The following PPFIA2 variants were observed in gnomAD, a reference collection of about 807,000 sequenced individuals.
PPFIA2 encodes liprin-alpha-2.
A neutral mutation model predicts 175.5 loss-of-function variants in PPFIA2; 46 were observed. That is an observed-to-expected ratio of 0.26 (90% CI 0.21 to 0.34). PPFIA2 has a LOEUF of 0.34. Ranked by LOEUF, PPFIA2 falls within the 10% of genes least tolerant of loss-of-function variation. The pLI, the probability that PPFIA2 is intolerant of heterozygous loss-of-function variation, is 1.00. For missense variants in PPFIA2, 1,179 were observed against 1,506.1 expected, an observed-to-expected ratio of 0.78 and a Z score of 3.60; for synonymous variants, 568 against 511.4, an observed-to-expected ratio of 1.11 and a Z score of -1.49.
chr12:81,588,801 C>G (rs1207300544), intron 4 of PPFIA2, among the ~76,000 whole-genome samples: 1 of 152,042 alleles, frequency 6.6e-6, no homozygotes, highest in Middle Eastern at 3.2e-3. Flanking sequence ...ACTGAAACCA[C>G]TGTTTCAGTA....
At chr12:81,500,689 G>A (rs1594081414) in intron 4 of PPFIA2, among the ~76,000 whole-genome samples, 1 of 152,274 alleles carries the variant, frequency 6.6e-6, no homozygotes, top group East Asian at 1.9e-4. Context: ...ATTAGAGTAT[G>A]TTAAAGCACA....
chr12:81,752,822 C>T (rs888261500), intron 3 of PPFIA2, among the ~76,000 whole-genome samples: 2 of 152,142 alleles, frequency 1.3e-5, no homozygotes, highest in East Asian at 1.9e-4. Flanking sequence ...TTTTAAGGAG[C>T]GGGCCAATCA....
intron 3 of PPFIA2, among the ~76,000 whole-genome samples, chr12:81,705,634 C>T (rs1422770724): frequency 6.6e-6 from 1 of 151,956 alleles, no homozygotes; most frequent in African/African-American, 2.4e-5. Flanking sequence ...TGAATTAATA[C>T]AATAGATTCT....
chr12:81,379,993 C>A (rs1467327922), intron 9 of PPFIA2, among the ~76,000 whole-genome samples: 1 of 152,076 alleles, frequency 6.6e-6, no homozygotes, highest in Admixed American at 6.6e-5. Flanking sequence ...TTACAACATA[C>A]ATTTATTACC....
chr12:81,362,249 T>C (rs2031048775), intron 15 of PPFIA2, among the ~76,000 whole-genome samples: 1 of 151,102 alleles, frequency 6.6e-6, no homozygotes, highest in South Asian at 2.1e-4. Flanking sequence ...TAATCAATAA[T>C]ATTTGTTTAG....
intron 4 of PPFIA2, among the ~76,000 whole-genome samples, chr12:81,627,007 G>A (rs1244046104): frequency 6.6e-6 from 1 of 151,930 alleles, no homozygotes; most frequent in Non-Finnish European, 1.5e-5. Flanking sequence ...TTGAAAGCAG[G>A]TAATGGTATT....
At chr12:81,638,988 G>A (rs965013916) in intron 4 of PPFIA2, among the ~76,000 whole-genome samples, 5 of 152,114 alleles carry the variant, frequency 3.3e-5, no homozygotes, top group Non-Finnish European at 7.4e-5. Flanking sequence ...CGCCCGGCCT[G>A]TTTTGTCATA....
At chr12:81,294,499 AAGGG>A (rs1565964780) in intron 24 of PPFIA2, 73 of 183,636 alleles carry the variant, frequency 4.0e-4, no homozygotes, top group African/African-American at 1.9e-3. Flanking sequence ...AGAAGGAAGG[AAGGG>A]AGGGAGGAAG....
chr12:81,361,016 C>A (rs990279239), intron 15 of PPFIA2, among the ~76,000 whole-genome samples: 1 of 151,556 alleles, frequency 6.6e-6, no homozygotes, highest in Non-Finnish European at 1.5e-5. Context: ...ATCTGTGAGT[C>A]CTAGGAATGT....
chr12:81,555,659 T>C (rs1212541078), intron 4 of PPFIA2, among the ~76,000 whole-genome samples: 3 of 151,982 alleles, frequency 2.0e-5, no homozygotes, highest in Non-Finnish European at 4.4e-5. Context: ...AATTACAATT[T>C]CTTTTTATAG....
intron 4 of PPFIA2, among the ~76,000 whole-genome samples, chr12:81,470,552 C>T (rs924795547): frequency 7.9e-5 from 12 of 152,144 alleles, no homozygotes; most frequent in African/African-American, 2.9e-4. Context: ...TATGGTCTAG[C>T]AATTTCTCTA....
In PPFIA2 at chr12:81,415,189, AAAAAAAAAAAAAAAAAAAAAAATATATAT is replaced by A. The variant is rs1479022469; in HGVS notation, c.646-9315_646-9287del. On this transcript the variant is annotated intron_variant, in intron 7 of 32. Transcript: ENST00000549396. ...ATCTTGGTTCAGGTAAAAAAAAAAA[AAAAAAAAAAAAAAAAAAAAAAATATATAT>A]ATATATATATATATATATATATATA... Among the ~76,000 whole-genome samples, 21 of 38,862 alleles carry A rather than the reference AAAAAAAAAAAAAAAAAAAAAAATATATAT, an allele frequency of 5.4e-4. 1 individual carries two copies. The East Asian group carries it at 8.6e-3, about 16-fold the overall frequency. The allele number at this position is 38,862 out of a possible 152,430, so 25.5% of individuals were successfully genotyped here.
chr12:81,481,098 T>TAGAGAAAC (rs1028064167), intron 4 of PPFIA2, among the ~76,000 whole-genome samples: 1 of 151,908 alleles, frequency 6.6e-6, no homozygotes, highest in Non-Finnish European at 1.5e-5. Flanking sequence ...ACACCAATAA[T>TAGAGAAAC]AGAGAAACAG....
At chr12:81,560,405 T>C (rs577880016) in intron 4 of PPFIA2, among the ~76,000 whole-genome samples, 2 of 152,304 alleles carry the variant, frequency 1.3e-5, no homozygotes, top group South Asian at 2.1e-4. Flanking sequence ...TAGTTTTACA[T>C]TCTTACATGA....
Position 81,261,926 on chromosome 12 carries a change from TCAG to T in PPFIA2, c.*33+20_*33+22del. 1 of 1,474,564 alleles carries T rather than the reference TCAG, an allele frequency of 6.8e-7. No individual in the cohort carries two copies. Among genetic ancestry groups the T allele is most frequent in the Non-Finnish European group, 9.2e-7 (1 of 1,091,702 alleles). The allele number at this position is 1,474,564 out of a possible 1,614,324, so 91.3% of individuals were successfully genotyped here. A position where few individuals can be genotyped will look rare whatever the true frequency, so the allele number is the denominator to read the frequency against. On this transcript the variant is annotated intron_variant, in intron 32 of 32. Transcript: ENST00000549396. Reference sequence around the variant, plus strand: ...CCATTTTTTTGTCTTTTTTTTTTTGTCAGCCAAAGGGAAACTACTCACAGCAGG... The same window carrying T: ...CCATTTTTTTGTCTTTTTTTTTTTGTCCAAAGGGAAACTACTCACAGCAGG...
chr12:81,486,511 G>A (rs529574394), intron 4 of PPFIA2, among the ~76,000 whole-genome samples: 3 of 151,880 alleles, frequency 2.0e-5, no homozygotes, highest in African/African-American at 7.2e-5. Context: ...ATTGCCTTAG[G>A]AAAAAATTCT....
intron 4 of PPFIA2, among the ~76,000 whole-genome samples, chr12:81,601,882 T>G (rs1212174065): frequency 6.6e-6 from 1 of 151,892 alleles, no homozygotes; most frequent in Admixed American, 6.6e-5. Flanking sequence ...TCAAATGGAA[T>G]AAAGATGATC....
At chr12:81,515,578 C>T (rs1293630979) in intron 4 of PPFIA2, among the ~76,000 whole-genome samples, 1 of 152,018 alleles carries the variant, frequency 6.6e-6, no homozygotes. Flanking sequence ...CTACTGAAGA[C>T]TATCACTTGC....
At chr12:81,420,289 G>A (rs1317103223) in intron 7 of PPFIA2, among the ~76,000 whole-genome samples, 1 of 151,984 alleles carries the variant, frequency 6.6e-6, no homozygotes, top group Non-Finnish European at 1.5e-5. Context: ...TCAAGAAAAT[G>A]CCACAAAAGG....
Sources: gnomAD v4.1 joint callset for allele counts (sites outside exome capture counted in the v4.1 genomes callset) on GRCh38, gnomAD v4.1.1 for gene constraint, MANE v1.5 for transcripts, NCBI Gene and HGNC (gene_info 2026-07-23, HGNC 2026-07-21) for gene names.